Variants in LRRC69 observed in about 807,000 individuals in gnomAD.
LRRC69 encodes leucine rich repeat containing 69, also known as leucine-rich repeat-containing protein 69.
In LRRC69, 42 loss-of-function variants were observed where a neutral mutation model predicts 37.8. The ratio of observed to expected loss-of-function variants is 1.11; its 90% CI spans 0.87 to 1.44. The LOEUF is 1.44. Among genes scored for constraint, LRRC69 ranks in the 40% most tolerant of loss-of-function variants. The pLI is 0.00. For synonymous variants in LRRC69, 141 were observed against 143.1 expected (o/e 0.99, Z 0.11); for missense variants, 357 against 401.9 (o/e 0.89, Z 0.96).
exon 6 of LRRC69, chr8:91,189,566 A>G (rs182104008): frequency 6.4e-7 from 1 of 1,551,190 alleles, no homozygotes; most frequent in Admixed American, 2.0e-5. Context: ...AGGGAAACCC[A>G]CTGTTCCTGC....
At position 91,135,657 on chromosome 8, in the gene LRRC69, T is replaced by C; in HGVS notation, c.580-11T>C. 7.0e-7 allele frequency: 1 copy of C among 1,434,152 alleles called. No individual in the cohort carries two copies. The highest frequency in any genetic ancestry group is 1.4e-5 in the South Asian group (1 of 71,172). The allele number at this position is 1,434,152 out of a possible 1,614,324, so 88.8% of individuals were successfully genotyped here. On this transcript the variant is annotated splice_polypyrimidine_tract_variant and intron_variant, in intron 4 of 7. Coordinates refer to ENST00000448384, the Ensembl canonical transcript of LRRC69. ...ATTTAAAAAATCTCTCTCTTCTGTT[T>C]TCTGACACAGGAACTTTGTGATCTT...
chr8:91,105,188 G>A (rs536561445), intron 1 of LRRC69, among the ~76,000 whole-genome samples: 48 of 151,890 alleles, frequency 3.2e-4, no homozygotes, highest in African/African-American at 1.1e-3. Context: ...ATGGTATTAT[G>A]TTTAGCTGTT....
At position 91,196,465 on chromosome 8, in the gene LRRC69, A is replaced by G. The variant is rs201477600; in HGVS notation, c.754-4148A>G. Among the ~76,000 whole-genome samples the G allele has an allele frequency of 8.5e-5, 13 of 152,082 alleles. 1 individual carries two copies. The highest frequency in any genetic ancestry group is 7.9e-4 in the Admixed American group (12 of 15,274). On this transcript the variant is annotated intron_variant, in intron 6 of 7. Coordinates refer to ENST00000448384, the Ensembl canonical transcript of LRRC69. The stretch of plus-strand genomic sequence containing the variant: ...TTTCCAACTTGGTTCCATTCTCCCC[A>G]TCACTTTCAGGTACACCAAGCAGAC...
intron 5 of LRRC69, among the ~76,000 whole-genome samples, chr8:91,136,444 A>T (rs936346505): frequency 2.0e-5 from 3 of 152,018 alleles, no homozygotes; most frequent in Admixed American, 2.0e-4. Context: ...ATTCAAATAT[A>T]AAAAAATGAG....
chr8:91,111,973 T>C (rs1031478410), intron 1 of LRRC69, among the ~76,000 whole-genome samples: 4 of 151,948 alleles, frequency 2.6e-5, no homozygotes, highest in African/African-American at 7.2e-5. Context: ...GCTATGCAAA[T>C]GCAAAAGGAG....
rs186257600 is a variant in LRRC69, at chr8:91,149,517, G to A, written c.651+13778G>A. 1.1e-3 allele frequency among the ~76,000 whole-genome samples: 171 copies of A among 152,050 alleles called. 6 individuals are homozygous for A. Among genetic ancestry groups the A allele is most frequent in the East Asian group, 2.1e-3 (11 of 5,178 alleles). On this transcript the variant is annotated intron_variant, in intron 5 of 7. Transcript: ENST00000448384. Reference sequence around the variant, plus strand: ...GTAGTATAGTTTGAAGTCAGGTAGCGTGATGCCTCCAGCTTTGTTCTTTTG... The same window carrying A: ...GTAGTATAGTTTGAAGTCAGGTAGCATGATGCCTCCAGCTTTGTTCTTTTG...
At chr8:91,150,390 T>C (rs1331542167) in intron 5 of LRRC69, among the ~76,000 whole-genome samples, 1 of 152,024 alleles carries the variant, frequency 6.6e-6, no homozygotes, top group Non-Finnish European at 1.5e-5. Context: ...ATTACGTTTA[T>C]TGATTTGCGT....
At chr8:91,112,595 T>C (rs1169418511) in intron 1 of LRRC69, among the ~76,000 whole-genome samples, 2 of 151,966 alleles carry the variant, frequency 1.3e-5, no homozygotes, top group African/African-American at 4.8e-5. Context: ...CTTAACACAA[T>C]ATAGGCTATA....
rs537717078 is a variant in LRRC69 at position 91,142,790 on chromosome 8, T to C, written c.651+7051T>C. ...TTGGCTACACTGTCAGGACTCCTTC[T>C]GCCTCTGAGGAATCCATTCTTTGTC... On this transcript the variant is annotated intron_variant, in intron 5 of 7. Coordinates refer to ENST00000448384, the Ensembl canonical transcript of LRRC69. 2.6e-5 allele frequency among the ~76,000 whole-genome samples: 4 copies of C among 152,174 alleles called. No individual in the cohort carries two copies. In the South Asian group the frequency reaches 8.3e-4, roughly 32 times the overall value.
intron 2 of LRRC69, among the ~76,000 whole-genome samples, chr8:91,125,485 A>C (rs2130503791): frequency 6.6e-6 from 1 of 152,016 alleles, no homozygotes; most frequent in East Asian, 1.9e-4. Context: ...TTCTTTTCCA[A>C]AATAATAGAT....
intron 3 of LRRC69, among the ~76,000 whole-genome samples, chr8:91,132,837 G>A (rs1813831166): frequency 6.6e-6 from 1 of 151,760 alleles, no homozygotes; most frequent in Admixed American, 6.6e-5. Context: ...TATAAAGAAA[G>A]GAAATATAAT....
chr8:91,204,135 A>AG (rs999816568), intron 7 of LRRC69, among the ~76,000 whole-genome samples: 2 of 151,938 alleles, frequency 1.3e-5, no homozygotes, highest in Non-Finnish European at 2.9e-5. Context: ...AAAAAAAAAA[A>AG]AAAAAAGATT....
chr8:91,162,783 A>G (rs1315795979), intron 5 of LRRC69, among the ~76,000 whole-genome samples: 3 of 151,244 alleles, frequency 2.0e-5, no homozygotes, highest in Non-Finnish European at 4.4e-5. Context: ...GTACTTACTT[A>G]TCTTTTTGCC....
chr8:91,129,997 A>C (rs1049432259), intron 3 of LRRC69, among the ~76,000 whole-genome samples: 16 of 152,042 alleles, frequency 1.1e-4, no homozygotes, highest in African/African-American at 3.1e-4. Flanking sequence ...TGTACTATTC[A>C]ATGCATTTTG....
intron 4 of LRRC69, among the ~76,000 whole-genome samples, chr8:91,134,049 T>C (rs1188058757): frequency 6.6e-6 from 1 of 151,476 alleles, no homozygotes; most frequent in Non-Finnish European, 1.5e-5. Flanking sequence ...TTCCTTCATA[T>C]TCACTTTCTG....
chr8:91,107,230 G>A (rs1340297958), intron 1 of LRRC69, among the ~76,000 whole-genome samples: 3 of 151,766 alleles, frequency 2.0e-5, no homozygotes, highest in African/African-American at 7.3e-5. Flanking sequence ...CGCCTCCCAG[G>A]TTCAAGTGAT....
At chr8:91,194,489 G>A (rs1809559148) in intron 6 of LRRC69, among the ~76,000 whole-genome samples, 1 of 151,904 alleles carries the variant, frequency 6.6e-6, no homozygotes, top group African/African-American at 2.4e-5. Flanking sequence ...GACTCTTTTT[G>A]GTTAGTAAGC....
chr8:91,103,354 T>C (rs1477417916), intron 1 of LRRC69, among the ~76,000 whole-genome samples: 1 of 152,108 alleles, frequency 6.6e-6, no homozygotes, highest in East Asian at 1.9e-4. Context: ...GGAGGGGACA[T>C]TTATTTCTCC....
intron 5 of LRRC69, among the ~76,000 whole-genome samples, chr8:91,159,547 C>G (rs1303569199): frequency 1.3e-5 from 2 of 151,126 alleles, no homozygotes; most frequent in African/African-American, 2.4e-5. Context: ...CACATACACT[C>G]TAGCTGAAAG....
Sources: gnomAD v4.1 joint callset for allele counts (sites outside exome capture counted in the v4.1 genomes callset) on GRCh38, gnomAD v4.1.1 for gene constraint, MANE v1.5 for transcripts, NCBI Gene and HGNC (gene_info 2026-07-23, HGNC 2026-07-21) for gene names.